The following CDK13 variants were observed in gnomAD, a reference collection of about 807,000 sequenced individuals.
The protein encoded by CDK13 is cyclin dependent kinase 13, also known as cyclin-dependent kinase 13.
Under a neutral mutation model 137.6 loss-of-function variants are expected in CDK13, and 40 were observed. That is an observed-to-expected ratio of 0.29 (90% CI 0.23 to 0.38). CDK13 has a LOEUF of 0.38. Among genes scored for constraint, CDK13 ranks in the 10% least tolerant of loss-of-function variants. The pLI, the probability that CDK13 is intolerant of heterozygous loss-of-function variation, is 1.00. For synonymous variants in CDK13, 869 were observed against 760.1 expected (o/e 1.14, Z -2.36); for missense variants, 1,704 against 1,951.8 (o/e 0.87, Z 2.39).
Position 39,987,985 on chromosome 7 carries a change from A to C in CDK13, c.1598A>C (p.Lys533Thr). 1.2e-6 allele frequency: 2 copies of C among 1,614,140 alleles called. No homozygotes were observed. The highest frequency in any genetic ancestry group is 1.7e-6 in the Non-Finnish European group (2 of 1,179,990). ...TCTCCCTCAAGTGGTGGAACTTTAA[A>C]AAATGACAAAGCAAAAACAAAGCCA... is the stretch of plus-strand genomic sequence containing the variant. ...APSPSSGGTL[K>T]NDKAKTKPPL... Residue 533 changes from lysine (K) to threonine (T), a missense_variant, in exon 2 of 14, where the codon AAA becomes ACA. Physicochemically the swap from Lys to Thr is moderately conservative, Grantham distance 78 (BLOSUM62 -1). Transcript: ENST00000181839.
chr7:39,964,759 T>C (rs752129847), intron 1 of CDK13, among the ~76,000 whole-genome samples: 3 of 152,204 alleles, frequency 2.0e-5, no homozygotes, highest in South Asian at 4.1e-4. Flanking sequence ...TTGTGGGCTT[T>C]AGTGCTTATA....
At chr7:40,036,972 T>C (rs1318909178) in intron 5 of CDK13, among the ~76,000 whole-genome samples, 1 of 152,250 alleles carries the variant, frequency 6.6e-6, no homozygotes, top group Non-Finnish European at 1.5e-5. Context: ...GTTATTCATA[T>C]TAATTAATAT....
chr7:40,004,371 T>C (rs1457467899), intron 5 of CDK13, among the ~76,000 whole-genome samples: 1 of 152,234 alleles, frequency 6.6e-6, no homozygotes, highest in Non-Finnish European at 1.5e-5. Flanking sequence ...ATAATCCTGT[T>C]TGTAATTCTA....
At chr7:39,992,734 G>T (rs1429288099) in intron 2 of CDK13, among the ~76,000 whole-genome samples, 1 of 151,470 alleles carries the variant, frequency 6.6e-6, no homozygotes, top group African/African-American at 2.4e-5. Flanking sequence ...CTTACAGAAT[G>T]TCTCACCTTT....
Position 40,078,130 on chromosome 7 carries a change from G to C in CDK13, c.2897+9G>C, listed in dbSNP as rs771454957. 2 of 1,364,162 alleles carry C rather than the reference G, an allele frequency of 1.5e-6. No homozygotes were observed. Among genetic ancestry groups the C allele is most frequent in the Admixed American group, 2.0e-5 (1 of 49,992 alleles). 84.5% of individuals were successfully genotyped at this position (1,364,162 alleles called of 1,614,324 possible). The stretch of plus-strand genomic sequence containing the variant: ...AGAGAAGAATTTGTTTTGTAAGAAG[G>C]GGATGTGTAAACATCCTTATTGCAT... On this transcript the variant is annotated intron_variant, in intron 10 of 13. Coordinates refer to ENST00000181839, the MANE Select transcript of CDK13 (RefSeq NM_003718.5).
intron 1 of CDK13, among the ~76,000 whole-genome samples, chr7:39,961,326 C>A (rs1284905018): frequency 3.9e-5 from 6 of 152,200 alleles, no homozygotes; most frequent in Admixed American, 3.9e-4. Flanking sequence ...CGCCACGACA[C>A]TCCAGCCTGG....
At chr7:39,976,323 T>TCTCTCTCACACACACACACACACACACA in intron 1 of CDK13, among the ~76,000 whole-genome samples, 4 of 39,578 alleles carry the variant, frequency 1.0e-4, no homozygotes, top group South Asian at 1.2e-3. Context: ...TCTCTCTCTC[T>TCTCTCTCACACACACACACACACACACA]CACACACACA....
At chr7:39,982,734 T>A (rs1231298083) in intron 1 of CDK13, among the ~76,000 whole-genome samples, 1 of 152,232 alleles carries the variant, frequency 6.6e-6, no homozygotes, top group Non-Finnish European at 1.5e-5. Flanking sequence ...GGTATCTCAT[T>A]GTGGTTTTGA....
chr7:39,966,324 T>G (rs1783869391), intron 1 of CDK13, among the ~76,000 whole-genome samples: 1 of 152,176 alleles, frequency 6.6e-6, no homozygotes, highest in Non-Finnish European at 1.5e-5. Context: ...TTTCTTTTTA[T>G]TCTTTTTTTT....
In CDK13 at chr7:40,021,108, T is replaced by TACACAC. The variant is rs1359649785; in HGVS notation, c.2353+19078_2353+19079insCACACA. Among the ~76,000 whole-genome samples, 415 of 72,466 alleles carry TACACAC rather than the reference T, an allele frequency of 5.7e-3. 1 individual carries two copies. Among genetic ancestry groups the TACACAC allele is most frequent in the East Asian group, 0.052 (40 of 764 alleles). 47.5% of individuals were successfully genotyped at this position (72,466 alleles called of 152,430 possible). ...CCATCTCAGAGCAAACAAACGTATATATATATATATATATACACACACACA... is the reference window on the plus strand; with the variant it reads ...CCATCTCAGAGCAAACAAACGTATATACACACATATATATATATATACACACACACA... On this transcript the variant is annotated intron_variant, in intron 5 of 13. Coordinates refer to ENST00000181839, the MANE Select transcript of CDK13 (RefSeq NM_003718.5).
chr7:39,998,554 G>A (rs1784613497), intron 3 of CDK13: 1 of 151,520 alleles, frequency 6.6e-6, no homozygotes, highest in South Asian at 2.1e-4. Flanking sequence ...AAGAGGTCAA[G>A]GCTGTAATGA....
intron 11 of CDK13, among the ~76,000 whole-genome samples, chr7:40,084,775 C>T (rs1184059092): frequency 6.6e-6 from 1 of 152,138 alleles, no homozygotes; most frequent in African/African-American, 2.4e-5. Context: ...GAAGAGCTTG[C>T]ACATGTTAAC....
At chr7:40,092,071 G>A (rs1015824295) in intron 12 of CDK13, among the ~76,000 whole-genome samples, 1 of 151,218 alleles carries the variant, frequency 6.6e-6, no homozygotes, top group Non-Finnish European at 1.5e-5. Context: ...TTAATAATAA[G>A]CATATTTCTG....
At chr7:40,083,103 CAAAAAAAAAAA>C (rs34744742) in intron 11 of CDK13, among the ~76,000 whole-genome samples, 18 of 100,434 alleles carry the variant, frequency 1.8e-4, no homozygotes, top group African/African-American at 6.1e-4. Flanking sequence ...ACTCTGTCTC[CAAAAAAAAAAA>C]AAAAAAAAGA....
intron 1 of CDK13, among the ~76,000 whole-genome samples, chr7:39,954,005 A>G (rs1375694378): frequency 6.6e-6 from 1 of 152,236 alleles, no homozygotes; most frequent in Non-Finnish European, 1.5e-5. Flanking sequence ...CCTTACAGAA[A>G]TATTTAAGGT....
intron 7 of CDK13, among the ~76,000 whole-genome samples, chr7:40,050,505 C>G (rs777526263): frequency 1.3e-5 from 2 of 152,220 alleles, no homozygotes; most frequent in Non-Finnish European, 2.9e-5. Context: ...GATTCTCCAG[C>G]TTCAGCCTTC....
rs1455043123 is a variant in CDK13, at chr7:39,974,503, T to C, written c.1212-13096T>C. On this transcript the variant is annotated intron_variant, in intron 1 of 13. Transcript: ENST00000181839. ...TATAAGCCTTGCACTTTTTAAACTTTTAGGTATTTCATCCTTTTAAAGGCT... is the reference window on the plus strand; with the variant it reads ...TATAAGCCTTGCACTTTTTAAACTTCTAGGTATTTCATCCTTTTAAAGGCT... Among the ~76,000 whole-genome samples the C allele has an allele frequency of 2.0e-5, 3 of 152,152 alleles. 1 individual carries two copies. The highest frequency in any genetic ancestry group is 6.5e-5 in the Admixed American group (1 of 15,280).
chr7:39,980,190 T>TTGTG (rs1784195293), intron 1 of CDK13, among the ~76,000 whole-genome samples: 1 of 151,914 alleles, frequency 6.6e-6, no homozygotes, highest in Admixed American at 6.6e-5. Context: ...AATTAAGAGG[T>TTGTG]TGTGGTATGG....
intron 5 of CDK13, among the ~76,000 whole-genome samples, chr7:40,032,728 A>T (rs753014137): frequency 6.6e-6 from 1 of 150,950 alleles, no homozygotes; most frequent in Admixed American, 6.6e-5. Context: ...GAGCTTTTGT[A>T]TTGTGTTTTA....
Sources: allele counts gnomAD v4.1 joint callset (sites outside exome capture counted in the v4.1 genomes callset), GRCh38; gene constraint gnomAD v4.1.1; transcripts MANE v1.5; gene names NCBI Gene and HGNC (gene_info 2026-07-23, HGNC 2026-07-21).